PRTG: variants seen among roughly 807,000 people sequenced by gnomAD.
The protein encoded by PRTG is immunoglobulin superfamily, DCC subclass, member 5.
PRTG carries 67 observed loss-of-function variants against 122.5 expected under a neutral mutation model. The observed-to-expected ratio is 0.55, with a 90% CI of 0.45 to 0.67. The LOEUF (loss-of-function observed/expected upper bound fraction) is 0.67, where lower values mean the gene tolerates loss of function less well. Among genes scored for constraint, PRTG ranks in the 30% least tolerant of loss-of-function variants. The pLI, the probability that PRTG is intolerant of heterozygous loss-of-function variation, is 0.00. For missense variants in PRTG, 1,435 were observed against 1,415.4 expected, an observed-to-expected ratio of 1.01 and a Z score of -0.22; for synonymous variants, 554 against 501.1, an observed-to-expected ratio of 1.11 and a Z score of -1.41.
intron 2 of PRTG, among the ~76,000 whole-genome samples, chr15:55,709,603 T>G (rs1191131010): frequency 6.6e-6 from 1 of 152,136 alleles, no homozygotes; most frequent in African/African-American, 2.4e-5. Flanking sequence ...GGTTTATGTG[T>G]AATGGCCTCA....
At chr15:55,669,056 C>T (rs1269858224) in intron 11 of PRTG, among the ~76,000 whole-genome samples, 1 of 151,924 alleles carries the variant, frequency 6.6e-6, no homozygotes, top group Non-Finnish European at 1.5e-5. Context: ...AATTGAAATA[C>T]ATAAGTTCAT....
At chr15:55,666,066 G>A (rs1285548219) in intron 11 of PRTG, among the ~76,000 whole-genome samples, 1 of 152,156 alleles carries the variant, frequency 6.6e-6, no homozygotes, top group East Asian at 1.9e-4. Context: ...GTCTTGCTCA[G>A]GGCTGTCATA....
rs1567070208 is a variant in PRTG at position 55,618,780 on chromosome 15, A to G, written c.*1232T>C. On this transcript the variant is annotated 3_prime_UTR_variant, in exon 20 of 20. Transcript: ENST00000389286. ...ACTATACATCAAAATAGTTACTGAT[A>G]AAATCCAAGAAACTCTTAAGGCAAC... 2.0e-5 allele frequency: 3 copies of G among 152,238 alleles called. No individual in the cohort carries two copies. The highest frequency in any genetic ancestry group is 4.8e-5 in the African/African-American group (2 of 41,466). 9.4% of individuals were successfully genotyped at this position (152,238 alleles called of 1,614,324 possible). A position where few individuals can be genotyped will look rare whatever the true frequency, so the allele number is the denominator to read the frequency against.
At chr15:55,649,583 G>A (rs571200494) in intron 11 of PRTG, among the ~76,000 whole-genome samples, 12 of 152,186 alleles carry the variant, frequency 7.9e-5, no homozygotes, top group Admixed American at 2.6e-4. Flanking sequence ...CCATGAGTTA[G>A]AGACCAGCCT....
intron 14 of PRTG, among the ~76,000 whole-genome samples, chr15:55,637,681 A>G (rs2059265595): frequency 6.6e-6 from 1 of 152,032 alleles, no homozygotes; most frequent in Admixed American, 6.6e-5. Context: ...CCCCATTAGT[A>G]CTGATAGTTC....
Position 55,630,010 on chromosome 15 carries a change from G to A in PRTG, c.2624-1006C>T, listed in dbSNP as rs1231836549. ...TTTTTTTTTTTTTTTTTTTTGAGAC[G>A]GAGTCTCACTCTGTCGCCCAGGCTA... On this transcript the variant is annotated intron_variant, in intron 15 of 19. Coordinates refer to ENST00000389286, the MANE Select transcript of PRTG (RefSeq NM_173814.6). Among the ~76,000 whole-genome samples, 24 of 143,570 alleles carry A rather than the reference G, an allele frequency of 1.7e-4. No individual in the cohort carries two copies. The East Asian group carries it at 3.7e-3, about 22-fold the overall frequency. 94.2% of individuals were successfully genotyped at this position (143,570 alleles called of 152,430 possible).
At chr15:55,682,055 T>C (rs951126120) in intron 4 of PRTG, among the ~76,000 whole-genome samples, 10 of 152,174 alleles carry the variant, frequency 6.6e-5, no homozygotes, top group African/African-American at 2.4e-4. Flanking sequence ...CATAGGTGAA[T>C]GAAAATAACA....
intron 11 of PRTG, among the ~76,000 whole-genome samples, chr15:55,649,655 A>G (rs1184989628): frequency 2.0e-5 from 3 of 151,994 alleles, no homozygotes; most frequent in African/African-American, 7.2e-5. Context: ...TGTGGTGGTG[A>G]GCACACAAAG....
At chr15:55,723,774 T>TG (rs2030922745) in intron 2 of PRTG, among the ~76,000 whole-genome samples, 1 of 144,488 alleles carries the variant, frequency 6.9e-6, no homozygotes, top group Non-Finnish European at 1.5e-5. Context: ...TTTTTTGAGT[T>TG]GGAGTCTCGC....
intron 11 of PRTG, 131 bp downstream of exon 11, chr15:55,672,314 C>A: frequency 1.3e-6 from 1 of 742,400 alleles, no homozygotes; most frequent in South Asian, 1.9e-5. Context: ...AGCATATACA[C>A]ACTGACATAG....
chr15:55,662,994 G>A (rs1006755848), intron 11 of PRTG, among the ~76,000 whole-genome samples: 8 of 152,130 alleles, frequency 5.3e-5, no homozygotes, highest in African/African-American at 1.7e-4. Context: ...AACCCAATAT[G>A]ATAAAAAGTG....
chr15:55,670,363 T>C (rs1401765479), intron 11 of PRTG, among the ~76,000 whole-genome samples: 1 of 152,108 alleles, frequency 6.6e-6, no homozygotes, highest in Non-Finnish European at 1.5e-5. Flanking sequence ...AGTGAGAAAA[T>C]TGGAAGTAGT....
intron 11 of PRTG, among the ~76,000 whole-genome samples, chr15:55,657,715 A>G (rs1319385018): frequency 6.6e-6 from 1 of 152,212 alleles, no homozygotes; most frequent in Non-Finnish European, 1.5e-5. Flanking sequence ...AACTCAACTT[A>G]TAGGCCATTT....
At chr15:55,680,419 AT>A in intron 5 of PRTG, 71 bp downstream of exon 5, 1 of 1,441,216 alleles carries the variant, frequency 6.9e-7, no homozygotes, top group Non-Finnish European at 9.2e-7. Flanking sequence ...TAAAATAAAC[AT>A]TTTATAAATT....
chr15:55,673,669 CA>C lies in PRTG; in HGVS notation c.1553del (p.Leu518ArgfsTer8). ...TTGTCAAACTAATTTCAGGAGGTCT[CA>C]GGGGAACTAGTCATAGAAGAAATCA... ...VTQNTLEDVP[L>X]RPPEISLTSR... is the part of the protein sequence containing the mutation. On this transcript the variant is annotated frameshift_variant, in exon 10 of 20. Coordinates refer to ENST00000389286, the MANE Select transcript of PRTG (RefSeq NM_173814.6). LOFTEE classifies it high-confidence loss of function. 6.2e-7 allele frequency: 1 copy of C among 1,612,972 alleles called. No homozygotes were observed. Among genetic ancestry groups the C allele is most frequent in the Non-Finnish European group, 8.5e-7 (1 of 1,179,058 alleles).
At chr15:55,625,094 G>C (rs763610020) in intron 17 of PRTG, among the ~76,000 whole-genome samples, 2 of 152,076 alleles carry the variant, frequency 1.3e-5, no homozygotes, top group Admixed American at 1.3e-4. Context: ...GGAGTCTAAT[G>C]ACGGGGATTA....
intron 15 of PRTG, among the ~76,000 whole-genome samples, chr15:55,631,583 A>G (rs1193412757): frequency 6.6e-6 from 1 of 152,184 alleles, no homozygotes; most frequent in Non-Finnish European, 1.5e-5. Flanking sequence ...TATTCTCTCA[A>G]CAGACTTCTC....
At chr15:55,641,661 G>C (rs897232952) in intron 11 of PRTG, among the ~76,000 whole-genome samples, 15 of 152,140 alleles carry the variant, frequency 9.9e-5, no homozygotes, top group Non-Finnish European at 2.2e-4. Flanking sequence ...AAAAGTTAAA[G>C]AAAATTACAA....
chr15:55,624,910 T>C (rs1184988796), intron 17 of PRTG, among the ~76,000 whole-genome samples: 2 of 152,212 alleles, frequency 1.3e-5, no homozygotes, highest in African/African-American at 4.8e-5. Flanking sequence ...TGTGCATAAA[T>C]GTGCATAAAT....
Sources: gnomAD v4.1 joint callset for allele counts (sites outside exome capture counted in the v4.1 genomes callset) on GRCh38, gnomAD v4.1.1 for gene constraint, MANE v1.5 for transcripts, NCBI Gene and HGNC (gene_info 2026-07-23, HGNC 2026-07-21) for gene names.